The following ZNF611 variants were observed in gnomAD, a reference collection of about 807,000 sequenced individuals.
ZNF611 encodes the protein zinc finger protein 611.
In ZNF611, 6 loss-of-function variants were observed where a neutral mutation model predicts 8.9. The observed-to-expected ratio is 0.68, with a 90% confidence interval of 0.37 to 1.34. The LOEUF is 1.34. Ranked by LOEUF, ZNF611 falls within the 40% of genes most tolerant of loss-of-function variation. The pLI is 0.02. For synonymous variants in ZNF611, 262 were observed against 279.7 expected (o/e 0.94, Z 0.63); for missense variants, 874 against 841.3 (o/e 1.04, Z -0.48).
At chr19:52,711,478 G>A (rs142506851) in intron 5 of ZNF611, among the ~76,000 whole-genome samples, 159 of 152,292 alleles carry the variant, frequency 1.0e-3, no homozygotes, top group East Asian at 4.2e-3. Context: ...GACAAGACTT[G>A]ATCCTGGGCA....
rs2062438035 is a variant in ZNF611, at chr19:52,733,494, G to A, written c.-222+1507C>T. Among the ~76,000 whole-genome samples, 3 of 152,112 alleles carry A rather than the reference G, an allele frequency of 2.0e-5. No individual in the cohort carries two copies. In the South Asian group the frequency reaches 6.2e-4, roughly 32 times the overall value. Reference sequence around the variant, plus strand: ...TACTTACTTTTTTGGCGGGGGGGAGGTCTCACTATGTTGCCCAAGCTGGTC... The same window carrying A: ...TACTTACTTTTTTGGCGGGGGGGAGATCTCACTATGTTGCCCAAGCTGGTC... On this transcript the variant is annotated intron_variant, in intron 1 of 5. Transcript: ENST00000652185.
In ZNF611 at chr19:52,716,129, A is replaced by C. The variant is rs1313047678; in HGVS notation, c.-19-216T>G. The C allele has an allele frequency of 7.5e-6, 4 of 533,706 alleles. No individual in the cohort carries two copies. In the Admixed American group the frequency reaches 9.6e-5, roughly 13 times the overall value. The allele number at this position is 533,706 out of a possible 1,614,324, so 33.1% of individuals were successfully genotyped here. ...ATCTCACCTCTCTCCTGGAGAAGCC[A>C]CCACACACGAGGCAGCAGTGGGGAG... On this transcript the variant is annotated intron_variant, in intron 3 of 5. Transcript: ENST00000652185.
intron 2 of ZNF611, among the ~76,000 whole-genome samples, chr19:52,729,435 G>A (rs1369675213): frequency 7.7e-6 from 1 of 130,688 alleles, no homozygotes; most frequent in Non-Finnish European, 1.5e-5. Context: ...AAAGGTTGCA[G>A]GGAGCCAAGA....
chr19:52,732,041 C>G (rs1374632939), intron 1 of ZNF611, among the ~76,000 whole-genome samples: 3 of 151,728 alleles, frequency 2.0e-5, no homozygotes, highest in South Asian at 2.1e-4. Flanking sequence ...GAGGCTGAGG[C>G]GGGCGGATCA....
intron 3 of ZNF611, chr19:52,724,749 TCCG>T (rs1456143270): frequency 6.6e-6 from 1 of 152,634 alleles, no homozygotes; most frequent in African/African-American, 2.4e-5. Context: ...CCCTCTGGTC[TCCG>T]TGCCACCAGC....
At chr19:52,723,172 T>G (rs1003784217) in intron 3 of ZNF611, among the ~76,000 whole-genome samples, 9 of 151,080 alleles carry the variant, frequency 6.0e-5, no homozygotes, top group Non-Finnish European at 1.3e-4. Flanking sequence ...TGTACCTCTC[T>G]CCTCTCCTGC....
chr19:52,706,880 A>C lies in ZNF611; in HGVS notation c.191-16T>G. 6.2e-7 allele frequency: 1 copy of C among 1,600,828 alleles called. No individual in the cohort carries two copies. Among genetic ancestry groups the C allele is most frequent in the South Asian group, 1.1e-5 (1 of 88,516 alleles). On this transcript the variant is annotated splice_polypyrimidine_tract_variant and intron_variant, in intron 5 of 5. Coordinates refer to ENST00000652185, the MANE Select transcript of ZNF611 (RefSeq NM_001161499.2). ...GAAGAGATATCTACAAAATATAAAC[A>C]CCAATACATTTCCAATTAAGTACAG...
rs769842883 is a variant in ZNF611, at chr19:52,705,160, C to T, written c.1895G>A (p.Arg632His). 48 of 1,613,916 alleles carry T rather than the reference C, an allele frequency of 3.0e-5. No homozygotes were observed. The highest frequency in any genetic ancestry group is 3.7e-5 in the Non-Finnish European group (44 of 1,180,030). ...ATGGTATATAAGGGATGAGCAGTGA[C>T]GGAAGGTATTGCCACACTCATTACA... Reference protein sequence around the residue: ...YKCNECGNTFRHCSSLIYHRR... With the variant: ...YKCNECGNTFHHCSSLIYHRR... Residue 632 changes from arginine to histidine, a missense_variant, in exon 6 of 6, where the codon CGT becomes CAT. Physicochemically the swap from Arg to His is conservative, Grantham distance 29 (BLOSUM62 0). Coordinates refer to ENST00000652185, the MANE Select transcript of ZNF611 (RefSeq NM_001161499.2).
At chr19:52,707,898 T>G (rs1296622746) in intron 5 of ZNF611, among the ~76,000 whole-genome samples, 1 of 152,044 alleles carries the variant, frequency 6.6e-6, no homozygotes, top group Non-Finnish European at 1.5e-5. Flanking sequence ...CCCAAAGTTC[T>G]GGGATTACAG....
At chr19:52,731,121 G>A (rs1600337968) in intron 1 of ZNF611, among the ~76,000 whole-genome samples, 1 of 151,644 alleles carries the variant, frequency 6.6e-6, no homozygotes, top group South Asian at 2.1e-4. Context: ...GGAGTGCCGT[G>A]GTGCGATCGT....
intron 3 of ZNF611, among the ~76,000 whole-genome samples, chr19:52,720,518 C>CA (rs2062349650): frequency 6.7e-6 from 1 of 148,822 alleles, no homozygotes; most frequent in Non-Finnish European, 1.5e-5. Flanking sequence ...CCAGATGGGG[C>CA]GGCCGGGCAG....
intron 1 of ZNF611, among the ~76,000 whole-genome samples, chr19:52,732,386 T>C (rs1230319128): frequency 3.7e-5 from 5 of 134,180 alleles, no homozygotes; most frequent in African/African-American, 1.2e-4. Context: ...ACTCACAGTA[T>C]TGAGTTATTC....
At chr19:52,713,002 T>G (rs1316841539) in intron 5 of ZNF611, among the ~76,000 whole-genome samples, 2 of 152,152 alleles carry the variant, frequency 1.3e-5, no homozygotes, top group Non-Finnish European at 2.9e-5. Context: ...AAAATCAGCC[T>G]GGCCAACATG....
chr19:52,721,436 C>G (rs563008662), intron 3 of ZNF611, among the ~76,000 whole-genome samples: 33 of 152,172 alleles, frequency 2.2e-4, no homozygotes, highest in African/African-American at 7.5e-4. Flanking sequence ...CCCGGCACCT[C>G]GGGAGGCCAA....
At chr19:52,726,722 GTTTTTTTT>G (rs56146245) in intron 3 of ZNF611, among the ~76,000 whole-genome samples, 3 of 130,308 alleles carry the variant, frequency 2.3e-5, no homozygotes, top group African/African-American at 8.4e-5. Flanking sequence ...TCGGCCTTGT[GTTTTTTTT>G]TTTTTTTTTC....
At chr19:52,717,473 A>G (rs7259934) in intron 3 of ZNF611, among the ~76,000 whole-genome samples, 12,438 of 152,230 alleles carry the variant, frequency 0.082, 1,278 homozygotes, top group African/African-American at 0.25. Context: ...ATAGGAAAGC[A>G]GCCTGTGTGG....
intron 5 of ZNF611, among the ~76,000 whole-genome samples, chr19:52,709,540 G>C (rs1209935257): frequency 4.6e-5 from 7 of 152,066 alleles, no homozygotes; most frequent in African/African-American, 1.7e-4. Context: ...AAAGTGCTGG[G>C]ATTACAGGCG....
At chr19:52,715,197 C>T (rs2062308351) in intron 4 of ZNF611, among the ~76,000 whole-genome samples, 2 of 152,090 alleles carry the variant, frequency 1.3e-5, no homozygotes, top group Non-Finnish European at 2.9e-5. Context: ...GTGGCTCATG[C>T]CTGTAATCCC....
At chr19:52,711,922 G>C (rs2062282829) in intron 5 of ZNF611, among the ~76,000 whole-genome samples, 2 of 152,146 alleles carry the variant, frequency 1.3e-5, no homozygotes, top group African/African-American at 4.8e-5. Flanking sequence ...GCATGTAGGA[G>C]TGAACTTTGT....
Sources: gnomAD v4.1 joint callset for allele counts (sites outside exome capture counted in the v4.1 genomes callset) on GRCh38, gnomAD v4.1.1 for gene constraint, MANE v1.5 for transcripts, NCBI Gene and HGNC (gene_info 2026-07-23, HGNC 2026-07-21) for gene names.